DAB1: variants seen among roughly 807,000 people sequenced by gnomAD.
The protein encoded by DAB1 is DAB adaptor protein 1.
In DAB1, 15 loss-of-function variants were observed where a neutral mutation model predicts 64.6. That is an observed-to-expected ratio of 0.23 (90% confidence interval 0.16 to 0.36). The LOEUF is 0.36. Among genes scored for constraint, DAB1 ranks in the 10% least tolerant of loss-of-function variants. The pLI is 1.00. For missense variants in DAB1, 596 were observed against 706.7 expected (o/e 0.84, Z 1.78); for synonymous variants, 235 against 251.9 (o/e 0.93, Z 0.64).
rs183662932 is a variant in DAB1, at chr1:57,951,089, G to C, written n.388-66927C>G. Among the ~76,000 whole-genome samples the C allele has an allele frequency of 2.9e-3, 436 of 152,062 alleles. 4 individuals carry two copies. Among genetic ancestry groups the C allele is most frequent in the African/African-American group, 9.7e-3 (403 of 41,488 alleles). ...CAGTTCCCCTGCAGACTAGTGAGCT[G>C]CCATGTTAACACATAATTTATTAGA... On this transcript the variant is annotated intron_variant and non_coding_transcript_variant, in intron 5 of 20. Transcript: ENST00000485760.
chr1:57,857,853 C>CAAAAAAA (rs761614350), intron 1 of DAB1, among the ~76,000 whole-genome samples: 6 of 52,846 alleles, frequency 1.1e-4, no homozygotes, highest in African/African-American at 1.6e-4. Context: ...AATGTTCATA[C>CAAAAAAA]AAAAAAAAAA....
chr1:57,471,964 C>A (rs1177812408), intron 7 of DAB1, among the ~76,000 whole-genome samples: 4 of 152,150 alleles, frequency 2.6e-5, no homozygotes, highest in East Asian at 1.9e-4. Context: ...CTGGAGAAAT[C>A]AAGTCTTGCA....
intron 7 of DAB1, among the ~76,000 whole-genome samples, chr1:57,435,063 T>G (rs1427266294): frequency 2.1e-5 from 3 of 141,646 alleles, no homozygotes; most frequent in African/African-American, 8.0e-5. Flanking sequence ...TTTTTTTTTT[T>G]TTTGAGAGAG....
chr1:57,438,485 G>A (rs374096718), intron 7 of DAB1, among the ~76,000 whole-genome samples: 2 of 152,054 alleles, frequency 1.3e-5, no homozygotes, highest in African/African-American at 4.8e-5. Context: ...ATGAACAAAA[G>A]AGCATCTGGT....
chr1:57,003,445 GACCTGTGCAGTTACTCAGCCAGC>G (rs942837693), intron 14 of DAB1, among the ~76,000 whole-genome samples: 18 of 152,018 alleles, frequency 1.2e-4, no homozygotes, highest in African/African-American at 3.4e-4. Context: ...GCAGTTGGGT[GACCTGTGCAGTTACTCAGCCAGC>G]ACACAGCAGA....
chr1:57,047,450 T>C (rs528564578), intron 9 of DAB1, among the ~76,000 whole-genome samples: 1 of 152,200 alleles, frequency 6.6e-6, no homozygotes, highest in Admixed American at 6.5e-5. Context: ...CATGATACAA[T>C]TAGTGGCCTT....
At chr1:57,104,171 A>G (rs374407467) in intron 4 of DAB1, among the ~76,000 whole-genome samples, 5 of 152,172 alleles carry the variant, frequency 3.3e-5, no homozygotes, top group African/African-American at 1.2e-4. Flanking sequence ...AGACATATGA[A>G]AACCATAGTT....
chr1:57,030,636 C>A (rs1343871154), intron 9 of DAB1, among the ~76,000 whole-genome samples: 2 of 152,170 alleles, frequency 1.3e-5, no homozygotes, highest in African/African-American at 4.8e-5. Flanking sequence ...CAATTCCTGG[C>A]TATCTTGTTT....
At position 58,319,445 on chromosome 1, in the gene DAB1, TAGAC is replaced by T. The variant is rs57318174; in HGVS notation, n.309+23903_309+23906del. Among the ~76,000 whole-genome samples, 682 of 152,310 alleles carry T rather than the reference TAGAC, an allele frequency of 4.5e-3. 5 individuals are homozygous for T. The highest frequency in any genetic ancestry group is 0.016 in the African/African-American group (664 of 41,568). ...TTATTGTTGTGACTCATGTAATTAA[TAGAC>T]AGAAAAGTGACAGGGACAATTTGAA... On this transcript the variant is annotated intron_variant and non_coding_transcript_variant, in intron 4 of 20. Coordinates refer to the DAB1 transcript ENST00000485760.
intron 2 of DAB1, among the ~76,000 whole-genome samples, chr1:57,182,772 A>G (rs1332574574): frequency 6.6e-6 from 1 of 152,198 alleles, no homozygotes; most frequent in Non-Finnish European, 1.5e-5. Flanking sequence ...GAAAGAATGC[A>G]GAAATGAGCA....
intron 2 of DAB1, among the ~76,000 whole-genome samples, chr1:58,520,582 C>T (rs1646246561): frequency 6.6e-6 from 1 of 152,050 alleles, no homozygotes; most frequent in South Asian, 2.1e-4. Flanking sequence ...TTTACAAGGG[C>T]TACACACACA....
chr1:57,122,850 C>T (rs1296894513), intron 4 of DAB1, among the ~76,000 whole-genome samples: 1 of 151,988 alleles, frequency 6.6e-6, no homozygotes, highest in African/African-American at 2.4e-5. Context: ...AAAAATAATG[C>T]ACATCATCAA....
intron 1 of DAB1, among the ~76,000 whole-genome samples, chr1:57,343,357 C>A (rs1677798487): frequency 6.6e-6 from 1 of 152,204 alleles, no homozygotes; most frequent in Non-Finnish European, 1.5e-5. Flanking sequence ...TCTCCAAGTT[C>A]CCACCAGACT....
intron 3 of DAB1, among the ~76,000 whole-genome samples, chr1:58,344,464 G>A (rs1437216695): frequency 3.3e-5 from 5 of 152,072 alleles, no homozygotes; most frequent in African/African-American, 7.2e-5. Context: ...CAGATGAAAC[G>A]AGGGCTCATA....
chr1:57,266,663 G>C (rs1670611410), intron 2 of DAB1, among the ~76,000 whole-genome samples: 1 of 151,844 alleles, frequency 6.6e-6, no homozygotes, highest in Non-Finnish European at 1.5e-5. Context: ...ATATCCTCAG[G>C]GTCTGGCTAC....
At chr1:58,134,006 A>G (rs1004094675) in intron 5 of DAB1, among the ~76,000 whole-genome samples, 6 of 152,146 alleles carry the variant, frequency 3.9e-5, no homozygotes, top group Non-Finnish European at 5.9e-5. Flanking sequence ...TTATAGCTCC[A>G]TGACTAACTA....
In DAB1 at chr1:58,325,777, C is replaced by T. The variant is rs916374307; in HGVS notation, n.309+17575G>A. Among the ~76,000 whole-genome samples the T allele has an allele frequency of 2.6e-5, 4 of 152,288 alleles. No homozygotes were observed. In the South Asian group the frequency reaches 8.3e-4, roughly 32 times the overall value. ...GATTCTTTTGAGACCTGGCTTGTAGCAAGCACATACCAAATTTTAGTTTCC... is the reference window on the plus strand; with the variant it reads ...GATTCTTTTGAGACCTGGCTTGTAGTAAGCACATACCAAATTTTAGTTTCC... On this transcript the variant is annotated intron_variant and non_coding_transcript_variant, in intron 4 of 20. Coordinates refer to the DAB1 transcript ENST00000485760.
At chr1:58,455,748 C>A (rs1285043688) in intron 3 of DAB1, among the ~76,000 whole-genome samples, 1 of 152,226 alleles carries the variant, frequency 6.6e-6, no homozygotes, top group African/African-American at 2.4e-5. Context: ...ACAAATATAT[C>A]CTCTAATTGG....
At chr1:57,179,748 C>T (rs531222838) in intron 2 of DAB1, among the ~76,000 whole-genome samples, 56 of 152,158 alleles carry the variant, frequency 3.7e-4, no homozygotes, top group African/African-American at 1.2e-3. Flanking sequence ...ACTAGAAACA[C>T]GTTTGTGCAC....
Sources: gnomAD v4.1 joint callset for allele counts (sites outside exome capture counted in the v4.1 genomes callset) on GRCh38, gnomAD v4.1.1 for gene constraint, MANE v1.5 for transcripts, NCBI Gene and HGNC (gene_info 2026-07-23, HGNC 2026-07-21) for gene names.